Variants in ENPP2 observed in about 807,000 individuals in gnomAD.
ENPP2 encodes ectonucleotide pyrophosphatase/phosphodiesterase 2, also known as autotaxin.
A neutral mutation model predicts 120.2 loss-of-function variants in ENPP2; 51 were observed. The ratio of observed to expected loss-of-function variants is 0.42; its 90% CI spans 0.34 to 0.54. The LOEUF (loss-of-function observed/expected upper bound fraction) is 0.54. ENPP2 is among the 20% of genes least tolerant of loss of function. The pLI, the probability that ENPP2 is intolerant of heterozygous loss-of-function variation, is 0.04. For missense variants in ENPP2, 920 were observed against 1,066.5 expected (o/e 0.86, Z 1.91); for synonymous variants, 365 against 366.4 (o/e 1.00, Z 0.04).
intron 4 of ENPP2, 32 bp downstream of exon 4, chr8:119,621,362 T>C: frequency 1.2e-6 from 2 of 1,608,642 alleles, no homozygotes; most frequent in Non-Finnish European, 1.7e-6. Flanking sequence ...TTTATTCTTT[T>C]AAAGCTCAGG....
chr8:119,558,719 C>T (rs1238557529), intron 24 of ENPP2, among the ~76,000 whole-genome samples: 1 of 150,938 alleles, frequency 6.6e-6, no homozygotes, highest in Non-Finnish European at 1.5e-5. Context: ...AGACATTGAG[C>T]AGGACCTTTG....
intron 1 of ENPP2, among the ~76,000 whole-genome samples, chr8:119,659,863 A>G (rs908124352): frequency 6.6e-6 from 1 of 152,152 alleles, no homozygotes; most frequent in Non-Finnish European, 1.5e-5. Context: ...TACATTTTTA[A>G]TCAATCTGGA....
chr8:119,601,241 T>C (rs1814282655), intron 10 of ENPP2, among the ~76,000 whole-genome samples, 156 bp downstream of exon 10: 1 of 152,230 alleles, frequency 6.6e-6, no homozygotes, highest in Non-Finnish European at 1.5e-5. Context: ...CAAAGTCTAT[T>C]GTATCCTTCT....
intron 1 of ENPP2, among the ~76,000 whole-genome samples, chr8:119,652,151 T>G (rs1817644338): frequency 6.6e-6 from 1 of 152,070 alleles, no homozygotes; most frequent in Admixed American, 6.6e-5. Context: ...GGACCCCACT[T>G]CCTCATAGAA....
chr8:119,566,938 C>T lies in ENPP2; in HGVS notation c.2131+1237G>A, dbSNP rs115319828. 3.9e-3 allele frequency among the ~76,000 whole-genome samples: 587 copies of T among 152,240 alleles called. 2 individuals are homozygous for T. Among genetic ancestry groups the T allele is most frequent in the African/African-American group, 0.014 (566 of 41,528 alleles). The stretch of plus-strand genomic sequence containing the variant: ...AGCAATAAATTCTCTTTGAATAAAC[C>T]TTCGTTTACTAACTAGGACATCAAA... On this transcript the variant is annotated intron_variant, in intron 22 of 24. Transcript: ENST00000075322.
chr8:119,638,315 A>G (rs985371487), intron 2 of ENPP2, 110 bp downstream of exon 2: 3 of 625,580 alleles, frequency 4.8e-6, no homozygotes, highest in Non-Finnish European at 8.4e-6. Context: ...GGACTAACTT[A>G]GTTATACTGC....
intron 12 of ENPP2, among the ~76,000 whole-genome samples, chr8:119,592,063 C>T (rs180757527): frequency 1.3e-5 from 2 of 152,264 alleles, no homozygotes; most frequent in South Asian, 2.1e-4. Flanking sequence ...AATGTTCTCA[C>T]CTGACAGATG....
intron 2 of ENPP2, among the ~76,000 whole-genome samples, chr8:119,637,266 C>G (rs1170213501): frequency 1.3e-5 from 2 of 152,114 alleles, no homozygotes; most frequent in African/African-American, 4.8e-5. Flanking sequence ...TCCTCTGCCT[C>G]CCCAACAGAA....
intron 15 of ENPP2, among the ~76,000 whole-genome samples, chr8:119,585,890 G>A (rs1051753010): frequency 6.6e-6 from 1 of 150,734 alleles, no homozygotes; most frequent in Non-Finnish European, 1.5e-5. Flanking sequence ...CAAGTAGTAA[G>A]AATAGAGTTT....
At chr8:119,663,624 T>G (rs1411812441) in intron 1 of ENPP2, among the ~76,000 whole-genome samples, 1 of 152,200 alleles carries the variant, frequency 6.6e-6, no homozygotes, top group Admixed American at 6.5e-5. Flanking sequence ...CAATATTTTG[T>G]TCTGTCAGGG....
At chr8:119,589,736 G>A (rs901300817) in intron 13 of ENPP2, among the ~76,000 whole-genome samples, 1 of 152,086 alleles carries the variant, frequency 6.6e-6, no homozygotes, top group Non-Finnish European at 1.5e-5. Flanking sequence ...AAGCTGTAAG[G>A]TTGGTGTCAA....
chr8:119,598,537 A>G (rs1393179157), intron 11 of ENPP2, among the ~76,000 whole-genome samples: 1 of 152,194 alleles, frequency 6.6e-6, no homozygotes, highest in Non-Finnish European at 1.5e-5. Context: ...TTTCAAAAAA[A>G]CTTATTTGTT....
chr8:119,664,114 C>T (rs1818002371), intron 1 of ENPP2, among the ~76,000 whole-genome samples: 2 of 151,992 alleles, frequency 1.3e-5, no homozygotes, highest in African/African-American at 2.4e-5. Flanking sequence ...CACATATAGT[C>T]CAACAAGAGG....
intron 8 of ENPP2, among the ~76,000 whole-genome samples, chr8:119,611,924 G>A (rs1408228505): frequency 6.6e-6 from 1 of 152,158 alleles, no homozygotes; most frequent in African/African-American, 2.4e-5. Flanking sequence ...AGCTACCCAG[G>A]AGGTAGAGGT....
upstream of ENPP2, among the ~76,000 whole-genome samples, chr8:119,643,555 A>T (rs146842969): frequency 2.2e-4 from 33 of 151,698 alleles, no homozygotes; most frequent in East Asian, 2.7e-3. Context: ...TTTACTCCCT[A>T]TGGAATCTAC....
chr8:119,640,425 A>G (rs1817242800), upstream of ENPP2, among the ~76,000 whole-genome samples: 1 of 152,206 alleles, frequency 6.6e-6, no homozygotes, highest in South Asian at 2.1e-4. Context: ...GAAAAATATC[A>G]AGGCAATCCT....
chr8:119,559,280 G>T (rs1440827889), intron 24 of ENPP2, among the ~76,000 whole-genome samples: 1 of 152,148 alleles, frequency 6.6e-6, no homozygotes, highest in Non-Finnish European at 1.5e-5. Context: ...TATTTTGAGA[G>T]AATTTTCATA....
upstream of ENPP2, among the ~76,000 whole-genome samples, chr8:119,643,317 C>T (rs189595542): frequency 4.5e-4 from 69 of 152,236 alleles, no homozygotes; most frequent in Middle Eastern, 3.4e-3. Flanking sequence ...CTCCCACAAT[C>T]CAGGACTGCA....
At chr8:119,623,209 T>C (rs975420414) in intron 3 of ENPP2, among the ~76,000 whole-genome samples, 1 of 152,198 alleles carries the variant, frequency 6.6e-6, no homozygotes, top group Non-Finnish European at 1.5e-5. Context: ...CTCATGTCTG[T>C]AATCCCAGCA....
Sources: allele counts gnomAD v4.1 joint callset (sites outside exome capture counted in the v4.1 genomes callset), GRCh38; gene constraint gnomAD v4.1.1; transcripts MANE v1.5; gene names NCBI Gene and HGNC (gene_info 2026-07-23, HGNC 2026-07-21).